The following PKD1L3 variants were observed in gnomAD, a reference collection of about 807,000 sequenced individuals.
PKD1L3 encodes the protein polycystin 1 like 3, transient receptor potential channel interacting, also known as polycystin-1-like protein 3.
A neutral mutation model predicts 184.1 loss-of-function variants in PKD1L3; 239 were observed. The ratio of observed to expected loss-of-function variants is 1.30; its 90% CI spans 1.17 to 1.45. The LOEUF (loss-of-function observed/expected upper bound fraction) is 1.45. PKD1L3 is among the 40% of genes most tolerant of loss of function. The pLI, the probability that PKD1L3 is intolerant of heterozygous loss-of-function variation, is 0.00. For missense variants in PKD1L3, 2,660 were observed against 2,067.2 expected (o/e 1.29, Z -5.56); for synonymous variants, 996 against 778.8 (o/e 1.28, Z -4.64).
At chr16:71,980,170 A>C (rs1353954152) in intron 7 of PKD1L3, 36 bp from the exon 8 acceptor site, 1 of 1,544,492 alleles carries the variant, frequency 6.5e-7, no homozygotes, top group Non-Finnish European at 8.8e-7. Flanking sequence ...GACTTGTAAA[A>C]CCTCAGTGTC....
At chr16:71,932,628 C>G (rs1249270563) in intron 28 of PKD1L3, among the ~76,000 whole-genome samples, 1 of 152,010 alleles carries the variant, frequency 6.6e-6, no homozygotes, top group African/African-American at 2.4e-5. Context: ...TGTGCACCAC[C>G]ACGCCTGGCT....
chr16:71,952,995 A>G lies in PKD1L3; in HGVS notation c.2908T>C (p.Leu970=). 1.3e-6 allele frequency: 2 copies of G among 1,549,546 alleles called. No homozygotes were observed. The highest frequency in any genetic ancestry group is 1.7e-6 in the Non-Finnish European group (2 of 1,146,146). Residue 970 remains leucine (L), a synonymous_variant, in exon 18 of 30, where the codon TTG becomes CTG. Coordinates refer to ENST00000620267, the MANE Select transcript of PKD1L3 (RefSeq NM_181536.2). ...GGCAGAGTCTCCTGTGGCTCAATCA[A>G]CGGGAAGAGCCGCCCTATGACAAGA... is the stretch of plus-strand genomic sequence containing the variant. ...INLVIGRLFP[L]IEPQETLPLF... is the part of the protein sequence containing the mutation.
intron 14 of PKD1L3, 67 bp downstream of exon 14, chr16:71,967,839 C>A: frequency 7.4e-7 from 1 of 1,345,828 alleles, no homozygotes; most frequent in Non-Finnish European, 1.0e-6. Context: ...CAGGATATCA[C>A]CAACTCAGAG....
intron 22 of PKD1L3, among the ~76,000 whole-genome samples, chr16:71,947,058 C>T (rs145320532): frequency 1.3e-5 from 2 of 151,900 alleles, no homozygotes; most frequent in Non-Finnish European, 2.9e-5. Context: ...GAGTTCAAGA[C>T]CAGCCTGGCC....
intron 24 of PKD1L3, among the ~76,000 whole-genome samples, chr16:71,939,091 G>C (rs2038275507): frequency 1.3e-5 from 2 of 152,312 alleles, no homozygotes; most frequent in South Asian, 4.1e-4. Flanking sequence ...AAGATTCTAG[G>C]CACCATGGCA....
At chr16:71,979,408 C>G (rs910404325) in intron 9 of PKD1L3, among the ~76,000 whole-genome samples, 15 of 152,184 alleles carry the variant, frequency 9.9e-5, no homozygotes, top group African/African-American at 3.6e-4. Context: ...CACGCCACTG[C>G]ACTCCAGCCT....
chr16:71,975,115 G>T (rs1476191848), intron 11 of PKD1L3, among the ~76,000 whole-genome samples: 1 of 152,068 alleles, frequency 6.6e-6, no homozygotes, highest in Admixed American at 6.6e-5. Flanking sequence ...GAGTGCAGTG[G>T]TATCATCGAA....
intron 15 of PKD1L3, among the ~76,000 whole-genome samples, chr16:71,965,347 TA>T (rs756896785): frequency 5.6e-4 from 86 of 152,312 alleles, no homozygotes; most frequent in South Asian, 2.7e-3. Flanking sequence ...AATATATGTG[TA>T]CAGGTCTTGC....
intron 24 of PKD1L3, among the ~76,000 whole-genome samples, chr16:71,939,182 T>C (rs1197613362): frequency 6.6e-6 from 1 of 152,264 alleles, no homozygotes; most frequent in Non-Finnish European, 1.5e-5. Flanking sequence ...AGCCGGCACC[T>C]GTGCCAGCAC....
In PKD1L3 at chr16:71,953,086, T is replaced by C. The variant is rs947309258; in HGVS notation, c.2817A>G (p.Pro939=). 3.4e-6 allele frequency: 5 copies of C among 1,454,728 alleles called. No individual in the cohort carries two copies. In the Admixed American group the frequency reaches 1.3e-4, roughly 37 times the overall value. 90.1% of individuals were successfully genotyped at this position (1,454,728 alleles called of 1,614,324 possible). Residue 939 remains proline, a synonymous_variant, in exon 18 of 30, where the codon CCA becomes CCG. Coordinates refer to ENST00000620267, the MANE Select transcript of PKD1L3 (RefSeq NM_181536.2). ...GCAGTTCAGACCAGGCCACAGCAAA[T>C]GGACGCACTGAAAGAAAAGCATGAC... ...TTAKRDEQMR[P]FAVAWSELLV... is the part of the protein sequence containing the mutation.
chr16:71,971,308 G>A lies in PKD1L3; in HGVS notation c.1954-1203C>T, dbSNP rs116059587. Reference sequence around the variant, plus strand: ...ATTCTTTATGGCTTTCCATATGTTGGAACATTTCTGCATAATATTTAAAAA... The same window carrying A: ...ATTCTTTATGGCTTTCCATATGTTGAAACATTTCTGCATAATATTTAAAAA... On this transcript the variant is annotated intron_variant, in intron 12 of 29. Coordinates refer to ENST00000620267, the MANE Select transcript of PKD1L3 (RefSeq NM_181536.2). Among the ~76,000 whole-genome samples the A allele has an allele frequency of 7.3e-3, 1,113 of 152,278 alleles. 16 individuals carry two copies. The highest frequency in any genetic ancestry group is 0.025 in the African/African-American group (1,030 of 41,554).
At chr16:71,940,406 G>A (rs1567492611) in intron 24 of PKD1L3, among the ~76,000 whole-genome samples, 1 of 152,156 alleles carries the variant, frequency 6.6e-6, no homozygotes, top group East Asian at 1.9e-4. Flanking sequence ...CAAGATTGGA[G>A]TTTGTAGGGT....
chr16:71,992,446 C>G (rs989786485), intron 3 of PKD1L3, among the ~76,000 whole-genome samples: 1 of 152,150 alleles, frequency 6.6e-6, no homozygotes. Context: ...ACTCACATTG[C>G]GGGACACAGC....
intron 15 of PKD1L3, among the ~76,000 whole-genome samples, chr16:71,964,446 CTCCTGCCTCAG>C (rs2143549381): frequency 6.8e-6 from 1 of 147,628 alleles, no homozygotes; most frequent in Non-Finnish European, 1.5e-5. Flanking sequence ...TCAAGCAATT[CTCCTGCCTCAG>C]CCTCCCAAGT....
At position 71,990,348 on chromosome 16, in the gene PKD1L3, A is replaced by G; in HGVS notation, c.536-19T>C. 1 of 1,535,738 alleles carries G rather than the reference A, an allele frequency of 6.5e-7. No homozygotes were observed. Among genetic ancestry groups the G allele is most frequent in the East Asian group, 2.5e-5 (1 of 40,678 alleles). On this transcript the variant is annotated intron_variant, in intron 3 of 29. Transcript: ENST00000620267. ...CCAGGTCCTATAGAAAAAAGAAAGC[A>G]GACTAAGTTCAAGTAAAAGCCTAAG...
At chr16:71,947,919 T>G (rs762260119) in intron 21 of PKD1L3, among the ~76,000 whole-genome samples, 23 of 75,720 alleles carry the variant, frequency 3.0e-4, no homozygotes, top group South Asian at 1.5e-3. Flanking sequence ...AGATCCAGAC[T>G]CTTTTTTTTT....
At chr16:71,952,099 T>C (rs1184102180) in intron 18 of PKD1L3, among the ~76,000 whole-genome samples, 3 of 151,710 alleles carry the variant, frequency 2.0e-5, no homozygotes, top group African/African-American at 4.8e-5. Flanking sequence ...GGCACAGGAA[T>C]TGGGAAAAAT....
At chr16:71,932,923 A>G (rs912714088) in intron 28 of PKD1L3, among the ~76,000 whole-genome samples, 1 of 150,944 alleles carries the variant, frequency 6.6e-6, no homozygotes, top group South Asian at 2.1e-4. Context: ...AGTGGCTAGG[A>G]CTACAGGTGC....
chr16:71,960,727 T>G (rs1337858160), intron 16 of PKD1L3, among the ~76,000 whole-genome samples: 1 of 152,118 alleles, frequency 6.6e-6, no homozygotes, highest in African/African-American at 2.4e-5. Context: ...GCAACAAAAA[T>G]GAGTATGTTT....
Sources: gnomAD v4.1 joint callset for allele counts (sites outside exome capture counted in the v4.1 genomes callset) on GRCh38, gnomAD v4.1.1 for gene constraint, MANE v1.5 for transcripts, NCBI Gene and HGNC (gene_info 2026-07-23, HGNC 2026-07-21) for gene names.